RPS6KA2: variants seen among roughly 807,000 people sequenced by gnomAD.
RPS6KA2 encodes the protein ribosomal protein S6 kinase alpha-2.
Under a neutral mutation model 91.8 loss-of-function variants are expected in RPS6KA2, and 42 were observed. The ratio of observed to expected loss-of-function variants is 0.46; its 90% confidence interval spans 0.36 to 0.59. The LOEUF is 0.59. Ranked by LOEUF, RPS6KA2 falls within the 20% of genes least tolerant of loss-of-function variation. The pLI, the probability that RPS6KA2 is intolerant of heterozygous loss-of-function variation, is 0.00. For missense variants in RPS6KA2, 798 were observed against 978.5 expected, an observed-to-expected ratio of 0.82 and a Z score of 2.46; for synonymous variants, 414 against 393.6, an observed-to-expected ratio of 1.05 and a Z score of -0.61.
intron 2 of RPS6KA2, among the ~76,000 whole-genome samples, chr6:166,683,697 T>C (rs1369106210): frequency 6.6e-6 from 1 of 152,182 alleles, no homozygotes; most frequent in Admixed American, 6.5e-5. Context: ...TCAGAGCACA[T>C]CAGACTGAGA....
intron 10 of RPS6KA2, among the ~76,000 whole-genome samples, chr6:166,470,761 C>T (rs934039777): frequency 5.3e-5 from 8 of 152,156 alleles, no homozygotes; most frequent in Admixed American, 2.0e-4. Flanking sequence ...TTCGGGAAAG[C>T]GGTGGGGCAG....
rs1437100098 is a variant in RPS6KA2, at chr6:166,854,154, C to A, written c.123+4046G>T. Among the ~76,000 whole-genome samples, 4 of 152,346 alleles carry A rather than the reference C, an allele frequency of 2.6e-5. 1 individual carries two copies. The East Asian group carries it at 7.7e-4, about 29-fold the overall frequency. On this transcript the variant is annotated intron_variant, in intron 2 of 21. Coordinates refer to the RPS6KA2 transcript ENST00000503859. ...TTATGACACAAACTCCCCCACATCACTACTGCCTTCTTGAGGGAGGAGGCC... is the reference window on the plus strand; with the variant it reads ...TTATGACACAAACTCCCCCACATCAATACTGCCTTCTTGAGGGAGGAGGCC...
At chr6:166,576,726 A>C (rs1238799227) in intron 1 of RPS6KA2, among the ~76,000 whole-genome samples, 1 of 152,232 alleles carries the variant, frequency 6.6e-6, no homozygotes, top group Non-Finnish European at 1.5e-5. Context: ...GAAAATTTGC[A>C]GCCTGACAAT....
chr6:166,447,536 G>C (rs1271331888), intron 14 of RPS6KA2, among the ~76,000 whole-genome samples: 1 of 152,130 alleles, frequency 6.6e-6, no homozygotes, highest in Non-Finnish European at 1.5e-5. Context: ...CCCAGTGCAA[G>C]AAACACGGTA....
intron 10 of RPS6KA2, among the ~76,000 whole-genome samples, chr6:166,472,130 T>C (rs1037288653): frequency 6.6e-6 from 1 of 152,192 alleles, no homozygotes; most frequent in Non-Finnish European, 1.5e-5. Context: ...CTCTACTCTT[T>C]TGTTTGGTGA....
chr6:166,587,617 T>A (rs1294505194), intron 1 of RPS6KA2, among the ~76,000 whole-genome samples: 2 of 141,376 alleles, frequency 1.4e-5, no homozygotes, highest in Admixed American at 7.4e-5. Context: ...TCTGCCCTTT[T>A]TGAAGTCTGC....
intron 2 of RPS6KA2, among the ~76,000 whole-genome samples, chr6:166,699,414 T>C (rs1410535870): frequency 6.6e-6 from 1 of 152,230 alleles, no homozygotes; most frequent in Non-Finnish European, 1.5e-5. Flanking sequence ...TCTGAGAACA[T>C]TAAGGAAAAC....
At chr6:166,553,255 G>A (rs1174600497) in intron 1 of RPS6KA2, among the ~76,000 whole-genome samples, 1 of 152,096 alleles carries the variant, frequency 6.6e-6, no homozygotes, top group African/African-American at 2.4e-5. Flanking sequence ...AGTAGCTGGG[G>A]CAACAGGTAA....
intron 1 of RPS6KA2, among the ~76,000 whole-genome samples, chr6:166,601,629 G>A (rs1785732512): frequency 6.6e-6 from 1 of 152,210 alleles, no homozygotes; most frequent in Non-Finnish European, 1.5e-5. Context: ...GAATTCAGAA[G>A]TGCTTGCAGG....
At chr6:166,486,857 T>G (rs1781429702) in intron 10 of RPS6KA2, among the ~76,000 whole-genome samples, 1 of 128,600 alleles carries the variant, frequency 7.8e-6, no homozygotes, top group Non-Finnish European at 1.6e-5. Context: ...CGTTTGATCA[T>G]CACGGGGTGG....
At chr6:166,575,445 C>T (rs556430606) in intron 1 of RPS6KA2, among the ~76,000 whole-genome samples, 13 of 152,090 alleles carry the variant, frequency 8.5e-5, no homozygotes, top group South Asian at 2.1e-4. Flanking sequence ...TGCTCATTTC[C>T]GGTTCATTGT....
intron 8 of RPS6KA2, among the ~76,000 whole-genome samples, chr6:166,496,572 T>C (rs1321172319): frequency 6.6e-6 from 1 of 151,868 alleles, no homozygotes; most frequent in African/African-American, 2.4e-5. Context: ...GCTAAGTTAC[T>C]CCTCTCCACT....
intron 1 of RPS6KA2, among the ~76,000 whole-genome samples, chr6:166,539,273 TG>T (rs1783580968): frequency 6.6e-6 from 1 of 152,212 alleles, no homozygotes; most frequent in Non-Finnish European, 1.5e-5. Context: ...GTGCACCCTG[TG>T]GGCCTTCATG....
At position 166,627,007 on chromosome 6, in the gene RPS6KA2, T is replaced by C. The variant is rs201386032; in HGVS notation, c.13A>G (p.Met5Val). 1.3e-6 allele frequency: 2 copies of C among 1,529,712 alleles called. No individual in the cohort carries two copies. The highest frequency in any genetic ancestry group is 2.8e-5 in the African/African-American group (2 of 70,206). 94.8% of individuals were successfully genotyped at this position (1,529,712 alleles called of 1,614,324 possible). A position where few individuals can be genotyped will look rare whatever the true frequency, so the allele number is the denominator to read the frequency against. MDLS[M>V]KKFAVRRFFS... Reference sequence around the variant, plus strand: ...AACCTGCGCACGGCGAACTTCTTCATGCTCAGGTCCATCGCCCCGCGCCCA... The same window carrying C: ...AACCTGCGCACGGCGAACTTCTTCACGCTCAGGTCCATCGCCCCGCGCCCA... The change falls in exon 1 of 21, where the codon ATG becomes GTG. Residue 5 changes from methionine to valine, a missense_variant. Met to Val is a conservative substitution (Grantham distance 21). Transcript: ENST00000265678.
At chr6:166,730,865 C>A (rs2128588773) in intron 2 of RPS6KA2, among the ~76,000 whole-genome samples, 1 of 152,228 alleles carries the variant, frequency 6.6e-6, no homozygotes, top group East Asian at 1.9e-4. Flanking sequence ...TCTGTAGTAT[C>A]CGGGTAGTCA....
intron 5 of RPS6KA2, among the ~76,000 whole-genome samples, chr6:166,505,641 G>C (rs546759994): frequency 6.6e-6 from 1 of 152,332 alleles, no homozygotes; most frequent in African/African-American, 2.4e-5. Context: ...ACGGTGAGTG[G>C]CGTCAGGCCG....
chr6:166,747,279 AAAGGACACTC>A (rs944310859), intron 2 of RPS6KA2, among the ~76,000 whole-genome samples: 8 of 152,162 alleles, frequency 5.3e-5, no homozygotes, highest in African/African-American at 1.9e-4. Flanking sequence ...ATTCGTGTAC[AAAGGACACTC>A]ATCACTTCAC....
Position 166,508,793 on chromosome 6 carries a change from T to G in RPS6KA2, c.380-511A>C, listed in dbSNP as rs767960598. Among the ~76,000 whole-genome samples, 11 of 152,192 alleles carry G rather than the reference T, an allele frequency of 7.2e-5. No individual in the cohort carries two copies. Among genetic ancestry groups the G allele is most frequent in the Admixed American group, 2.0e-4 (3 of 15,286 alleles). On this transcript the variant is annotated intron_variant, in intron 4 of 20. Coordinates refer to ENST00000265678, the MANE Select transcript of RPS6KA2 (RefSeq NM_021135.6). This position sits in a 1 kb window ranked among gnomAD's most constrained non-coding sequence, Gnocchi z 4.3. ...CTGGTGATAGGTCAGCCCAGTTATT[T>G]GAACATCAACAATGGGGCTCACGTC...
chr6:166,608,293 G>A (rs935632062), intron 1 of RPS6KA2, among the ~76,000 whole-genome samples: 1 of 152,278 alleles, frequency 6.6e-6, no homozygotes, highest in East Asian at 1.9e-4. Flanking sequence ...GGTAGACAAC[G>A]CTTCTCTTAG....
Sources: gnomAD v4.1 joint callset for allele counts (sites outside exome capture counted in the v4.1 genomes callset) on GRCh38, gnomAD v4.1.1 for gene constraint, Gnocchi (gnomAD v3.1) non-coding constraint, MANE v1.5 for transcripts, NCBI Gene and HGNC (gene_info 2026-07-23, HGNC 2026-07-21) for gene names.